GRID2: variants seen among roughly 807,000 people sequenced by gnomAD.
GRID2 encodes the protein glutamate receptor ionotropic, delta-2.
In GRID2, 33 loss-of-function variants were observed where a neutral mutation model predicts 114.8. The observed-to-expected ratio is 0.29, with a 90% CI of 0.22 to 0.38. The LOEUF (loss-of-function observed/expected upper bound fraction) is 0.38. Among genes scored for constraint, GRID2 ranks in the 10% least tolerant of loss-of-function variants. The pLI, the probability that GRID2 is intolerant of heterozygous loss-of-function variation, is 1.00. For missense variants in GRID2, 1,184 were observed against 1,257.7 expected (o/e 0.94, Z 0.89); for synonymous variants, 505 against 449.9 (o/e 1.12, Z -1.55).
intron 2 of GRID2, among the ~76,000 whole-genome samples, chr4:92,686,757 A>G (rs1733926536): frequency 6.6e-6 from 1 of 152,080 alleles, no homozygotes; most frequent in Admixed American, 6.5e-5. Flanking sequence ...TTAAAAAATT[A>G]GCAATGTTAT....
intron 2 of GRID2, among the ~76,000 whole-genome samples, chr4:92,883,604 T>G (rs2149460586): frequency 6.6e-6 from 1 of 152,308 alleles, no homozygotes; most frequent in East Asian, 1.9e-4. Flanking sequence ...TTGAAATTAC[T>G]CCTTGATTCA....
chr4:93,007,067 A>G (rs1721613550), intron 2 of GRID2, among the ~76,000 whole-genome samples: 3 of 152,060 alleles, frequency 2.0e-5, no homozygotes, highest in Admixed American at 2.0e-4. Context: ...TAAAAAGGTC[A>G]GAAAAGAGAA....
chr4:92,581,185 C>T (rs2149202740), intron 1 of GRID2, among the ~76,000 whole-genome samples: 1 of 150,588 alleles, frequency 6.6e-6, no homozygotes, highest in African/African-American at 2.4e-5. Context: ...TTTCACTGTC[C>T]AGTCCCCCCA....
chr4:93,744,206 C>T (rs1731649640), intron 14 of GRID2, among the ~76,000 whole-genome samples: 1 of 152,154 alleles, frequency 6.6e-6, no homozygotes, highest in Non-Finnish European at 1.5e-5. Flanking sequence ...ATGTTGTTTT[C>T]GTGCCTGCTA....
At chr4:93,110,125 A>G (rs1212733456) in intron 3 of GRID2, among the ~76,000 whole-genome samples, 2 of 152,174 alleles carry the variant, frequency 1.3e-5, no homozygotes, top group Non-Finnish European at 2.9e-5. Context: ...CTCCTTACTA[A>G]GGCAAACTTG....
At chr4:92,761,511 G>A (rs12644363) in intron 2 of GRID2, among the ~76,000 whole-genome samples, 3,445 of 152,230 alleles carry the variant, frequency 0.023, 98 homozygotes, top group East Asian at 0.12. Context: ...GGCCTCATGG[G>A]TTATTTGAGG....
intron 2 of GRID2, among the ~76,000 whole-genome samples, chr4:92,975,986 C>T (rs976400910): frequency 2.6e-5 from 4 of 152,026 alleles, no homozygotes; most frequent in Non-Finnish European, 5.9e-5. Flanking sequence ...ACTCATTGAA[C>T]TGCATACAAG....
intron 9 of GRID2, among the ~76,000 whole-genome samples, chr4:93,398,154 T>TATATA (rs1560579294): frequency 1.4e-5 from 2 of 146,120 alleles, no homozygotes; most frequent in African/African-American, 5.3e-5. Context: ...TATATATATC[T>TATATA]TATCATTAAG....
intron 2 of GRID2, among the ~76,000 whole-genome samples, chr4:93,023,809 T>G (rs1560804966): frequency 6.6e-6 from 1 of 151,848 alleles, no homozygotes; most frequent in Admixed American, 6.6e-5. Context: ...TTTTTAAGAC[T>G]AAATAATGTT....
chr4:92,871,425 G>C (rs1186763864), intron 2 of GRID2, among the ~76,000 whole-genome samples: 1 of 151,814 alleles, frequency 6.6e-6, no homozygotes, highest in African/African-American at 2.4e-5. Context: ...TAACCTAGAA[G>C]GTCCCTAACA....
chr4:93,591,788 A>G (rs893360808), intron 13 of GRID2, among the ~76,000 whole-genome samples: 3 of 151,896 alleles, frequency 2.0e-5, no homozygotes, highest in African/African-American at 4.8e-5. Flanking sequence ...GTCTTGGGAG[A>G]GTGTATGTGT....
chr4:92,968,843 A>T lies in GRID2; in HGVS notation c.245-116152A>T, dbSNP rs569824443. ...TGACTGGCTGTTTTCACTTACTATA[A>T]TCAAAAACTTGTGAAGTTTATTTAA... On this transcript the variant is annotated intron_variant, in intron 2 of 15. Transcript: ENST00000282020. Among the ~76,000 whole-genome samples, 10 of 151,918 alleles carry T rather than the reference A, an allele frequency of 6.6e-5. No homozygotes were observed. The South Asian group carries it at 2.1e-3, about 32-fold the overall frequency.
intron 2 of GRID2, among the ~76,000 whole-genome samples, chr4:92,998,707 C>T (rs983427307): frequency 1.3e-5 from 2 of 151,088 alleles, no homozygotes; most frequent in Non-Finnish European, 3.0e-5. Context: ...CAAGAGGGTC[C>T]ATGACTATAG....
At chr4:93,039,619 T>G (rs980809090) in intron 2 of GRID2, among the ~76,000 whole-genome samples, 1 of 152,188 alleles carries the variant, frequency 6.6e-6, no homozygotes, top group East Asian at 1.9e-4. Flanking sequence ...ACCAGTTATA[T>G]CTAACAGAGG....
At chr4:92,777,651 ATAAG>A (rs1738874586) in intron 2 of GRID2, among the ~76,000 whole-genome samples, 1 of 151,950 alleles carries the variant, frequency 6.6e-6, no homozygotes, top group African/African-American at 2.4e-5. Flanking sequence ...TGAAGGTTAA[ATAAG>A]GTCATCGAGC....
chr4:93,369,815 A>G (rs1279727473), intron 8 of GRID2, among the ~76,000 whole-genome samples: 1 of 152,180 alleles, frequency 6.6e-6, no homozygotes, highest in Non-Finnish European at 1.5e-5. Context: ...TTGCTGCATT[A>G]ATATATACAC....
At chr4:92,395,264 G>A (rs903651795) in intron 1 of GRID2, among the ~76,000 whole-genome samples, 2 of 151,378 alleles carry the variant, frequency 1.3e-5, no homozygotes, top group Admixed American at 6.6e-5. Flanking sequence ...ATAAGGTAGG[G>A]ATATAGTATG....
At chr4:93,673,048 C>T (rs10516940) in intron 14 of GRID2, among the ~76,000 whole-genome samples, 50,530 of 151,838 alleles carry the variant, frequency 0.33, 8,646 homozygotes, top group East Asian at 0.58. Context: ...TACTTTCAGC[C>T]CTGATGAGAA....
At chr4:93,506,605 T>A (rs1378202186) in intron 12 of GRID2, among the ~76,000 whole-genome samples, 1 of 152,092 alleles carries the variant, frequency 6.6e-6, no homozygotes, top group Non-Finnish European at 1.5e-5. Context: ...AGGGACAGAA[T>A]GGAGCGACTA....
Sources: allele counts gnomAD v4.1 joint callset (sites outside exome capture counted in the v4.1 genomes callset), GRCh38; gene constraint gnomAD v4.1.1; transcripts MANE v1.5; gene names NCBI Gene and HGNC (gene_info 2026-07-23, HGNC 2026-07-21).